The following HORMAD1 variants were observed in gnomAD, a reference collection of about 807,000 sequenced individuals.
HORMAD1 encodes the protein HORMA domain-containing protein 1.
A neutral mutation model predicts 58.2 loss-of-function variants in HORMAD1; 33 were observed. The ratio of observed to expected loss-of-function variants is 0.57; its 90% CI spans 0.43 to 0.76. The LOEUF is 0.76. Among genes scored for constraint, HORMAD1 ranks in the 30% least tolerant of loss-of-function variants. The probability of loss-of-function intolerance (pLI) is 0.00; values close to 1 mark genes in which losing one functional copy is unlikely to be tolerated. For missense variants in HORMAD1, 363 were observed against 462.0 expected (o/e 0.79, Z 1.96); for synonymous variants, 137 against 144.6 (o/e 0.95, Z 0.38).
chr1:150,712,511 C>T (rs587720938), intron 5 of HORMAD1, among the ~76,000 whole-genome samples: 36 of 152,268 alleles, frequency 2.4e-4, no homozygotes, highest in Middle Eastern at 6.8e-3. Flanking sequence ...TCTTAATCTC[C>T]TTCTACAGCA....
chr1:150,712,116 C>T (rs1651921656), intron 5 of HORMAD1, among the ~76,000 whole-genome samples: 1 of 151,906 alleles, frequency 6.6e-6, no homozygotes, highest in South Asian at 2.1e-4. Context: ...GCAAAAAGGA[C>T]ATTACTGCCA....
intron 13 of HORMAD1, among the ~76,000 whole-genome samples, chr1:150,700,602 A>G (rs936256834): frequency 6.6e-6 from 1 of 152,104 alleles, no homozygotes; most frequent in African/African-American, 2.4e-5. Flanking sequence ...TCACCCCACA[A>G]ACAAACCCCA....
At chr1:150,704,667 T>C (rs781262917) in intron 10 of HORMAD1, among the ~76,000 whole-genome samples, 1 of 151,738 alleles carries the variant, frequency 6.6e-6, no homozygotes, top group Non-Finnish European at 1.5e-5. Context: ...AGCCCAGAAG[T>C]TTGAGGCTGC....
Position 150,703,295 on chromosome 1 carries a change from TAA to T in HORMAD1, c.1032+13_1032+14del. ...ACAAGGTTACAATGGAAAACAAACC[TAA>T]AGAGATATTTACCATTTTATTCTGA... On this transcript the variant is annotated intron_variant, in intron 13 of 14. Transcript: ENST00000361824. 7.4e-7 allele frequency: 1 copy of T among 1,357,392 alleles called. No individual in the cohort carries two copies. Among genetic ancestry groups the T allele is most frequent in the African/African-American group, 1.5e-5 (1 of 68,746 alleles). The allele number at this position is 1,357,392 out of a possible 1,614,324, so 84.1% of individuals were successfully genotyped here. A position where few individuals can be genotyped will look rare whatever the true frequency, so the allele number is the denominator to read the frequency against.
chr1:150,709,883 C>T (rs1279506681), intron 7 of HORMAD1, among the ~76,000 whole-genome samples: 2 of 152,220 alleles, frequency 1.3e-5, no homozygotes, highest in African/African-American at 2.4e-5. Context: ...ACAAATCTGG[C>T]TTACGTGTAC....
intron 5 of HORMAD1, among the ~76,000 whole-genome samples, chr1:150,712,656 C>T (rs1321858004): frequency 1.3e-5 from 2 of 152,152 alleles, no homozygotes; most frequent in Non-Finnish European, 2.9e-5. Flanking sequence ...TCAAGCGATT[C>T]TCCTGCCTCA....
Position 150,698,090 on chromosome 1 carries a change from C to CA in HORMAD1, c.*563dup, listed in dbSNP as rs1429030472. ...ACTGAACAATATTTTATTTATGCTGCAAAAAATGCCATACTTTAAAAATCA... is the reference window on the plus strand; with the variant it reads ...ACTGAACAATATTTTATTTATGCTGCAAAAAAATGCCATACTTTAAAAATCA... On this transcript the variant is annotated 3_prime_UTR_variant, in exon 15 of 15. Transcript: ENST00000361824. 1 of 151,780 alleles carries CA rather than the reference C, an allele frequency of 6.6e-6. No individual in the cohort carries two copies. Among genetic ancestry groups the CA allele is most frequent in the East Asian group, 1.9e-4 (1 of 5,192 alleles). The allele number at this position is 151,780 out of a possible 1,614,324, so 9.4% of individuals were successfully genotyped here.
intron 7 of HORMAD1, among the ~76,000 whole-genome samples, chr1:150,709,949 C>A (rs1011849083): frequency 6.6e-6 from 1 of 152,190 alleles, no homozygotes; most frequent in Non-Finnish European, 1.5e-5. Flanking sequence ...CTATTGCTCA[C>A]ATGTTTGTTG....
At chr1:150,702,291 T>C (rs1651559775) in intron 13 of HORMAD1, among the ~76,000 whole-genome samples, 1 of 152,192 alleles carries the variant, frequency 6.6e-6, no homozygotes, top group Admixed American at 6.5e-5. Flanking sequence ...GACGAGGCTA[T>C]GGAGAAATAG....
At chr1:150,699,430 T>C (rs1468913296) in intron 14 of HORMAD1, among the ~76,000 whole-genome samples, 2 of 152,188 alleles carry the variant, frequency 1.3e-5, no homozygotes, top group Non-Finnish European at 2.9e-5. Context: ...CAGATCAAAT[T>C]TGTGGCCCAA....
chr1:150,700,107 C>T lies in HORMAD1; in HGVS notation c.1104+5G>A, dbSNP rs753179492. On this transcript the variant is annotated splice_donor_5th_base_variant and intron_variant, in intron 14 of 14. Transcript: ENST00000361824. ...ATTCAAACTATACATTATCATAAGA[C>T]TTACTATTCTCCCAGATTCATGTTG... 2 of 1,387,224 alleles carry T rather than the reference C, an allele frequency of 1.4e-6. No homozygotes were observed. The highest frequency in any genetic ancestry group is 2.1e-6 in the Non-Finnish European group (2 of 973,974). The allele number at this position is 1,387,224 out of a possible 1,614,324, so 85.9% of individuals were successfully genotyped here. A position where few individuals can be genotyped will look rare whatever the true frequency, so the allele number is the denominator to read the frequency against.
rs148101620 is a variant in HORMAD1 at position 150,709,108 on chromosome 1, C to T, written c.328-147G>A. 1.2e-3 allele frequency: 725 copies of T among 606,660 alleles called. 4 individuals carry two copies. The highest frequency in any genetic ancestry group is 5.1e-3 in the South Asian group (257 of 50,506). 37.6% of individuals were successfully genotyped at this position (606,660 alleles called of 1,614,324 possible). On this transcript the variant is annotated intron_variant, in intron 7 of 14. Transcript: ENST00000361824. ...TGATCCATTGAAACTTTTGATTCCT[C>T]ATAGTCAGTTTTCATGGTTTGGGTT... is the stretch of plus-strand genomic sequence containing the variant.
Position 150,704,197 on chromosome 1 carries a change from GT to G in HORMAD1, c.872-4del, listed in dbSNP as rs777691204. 2.7e-5 allele frequency: 36 copies of G among 1,337,888 alleles called. No individual in the cohort carries two copies. The highest frequency in any genetic ancestry group is 3.3e-5 in the Non-Finnish European group (32 of 967,572). The allele number at this position is 1,337,888 out of a possible 1,614,324, so 82.9% of individuals were successfully genotyped here. ...TTCCTCACAAACTAAACTTGGTTCTGTAAAAAAAAAAAAAAAAAGTTACCCG... is the reference window on the plus strand; with the variant it reads ...TTCCTCACAAACTAAACTTGGTTCTGAAAAAAAAAAAAAAAAAGTTACCCG... On this transcript the variant is annotated splice_polypyrimidine_tract_variant and splice_region_variant and intron_variant, in intron 11 of 14. Transcript: ENST00000361824.
intron 7 of HORMAD1, 67 bp downstream of exon 7, chr1:150,711,478 A>C: frequency 9.8e-7 from 1 of 1,023,490 alleles, no homozygotes; most frequent in Non-Finnish European, 1.5e-6. Context: ...ATATTCTTAT[A>C]TTATGTTTCG....
At chr1:150,709,082 T>C in intron 7 of HORMAD1, 121 bp from the exon 8 acceptor site, 1 of 634,322 alleles carries the variant, frequency 1.6e-6, no homozygotes, top group Non-Finnish European at 2.8e-6. Context: ...TTAATCCCTA[T>C]TGATCCATTG....
chr1:150,714,028 T>G, intron 5 of HORMAD1, 57 bp downstream of exon 5: 1 of 1,086,578 alleles, frequency 9.2e-7, no homozygotes, highest in Non-Finnish European at 1.4e-6. Flanking sequence ...TAACTCCAGT[T>G]ATATTTGTAG....
chr1:150,698,796 G>C, intron 14 of HORMAD1, 62 bp from the exon 15 acceptor site: 1 of 954,402 alleles, frequency 1.0e-6, no homozygotes, highest in Non-Finnish European at 1.6e-6. Flanking sequence ...TTTAATTGTA[G>C]ATTTTTTCAT....
intron 7 of HORMAD1, among the ~76,000 whole-genome samples, chr1:150,710,663 T>C (rs1557798674): frequency 6.6e-6 from 1 of 152,314 alleles, no homozygotes; most frequent in South Asian, 2.1e-4. Context: ...ATATTAAGCA[T>C]TAATCGCAGG....
At chr1:150,703,173 T>C (rs2101846284) in intron 13 of HORMAD1, 137 bp downstream of exon 13, 2 of 597,342 alleles carry the variant, frequency 3.3e-6, no homozygotes, top group East Asian at 3.1e-5. Flanking sequence ...GGTTATATCC[T>C]AAGCACCTAG....
Sources: allele counts gnomAD v4.1 joint callset (sites outside exome capture counted in the v4.1 genomes callset), GRCh38; gene constraint gnomAD v4.1.1; transcripts MANE v1.5; gene names NCBI Gene and HGNC (gene_info 2026-07-23, HGNC 2026-07-21).